SNX6: variants seen among roughly 807,000 people sequenced by gnomAD.
SNX6 encodes the protein sorting nexin-6.
Under a neutral mutation model 63.0 loss-of-function variants are expected in SNX6, and 34 were observed. That is an observed-to-expected ratio of 0.54 (90% CI 0.41 to 0.72). SNX6 has a LOEUF of 0.72. SNX6 is among the 30% of genes least tolerant of loss of function. The pLI, the probability that SNX6 is intolerant of heterozygous loss-of-function variation, is 0.00. For synonymous variants in SNX6, 170 were observed against 164.2 expected (o/e 1.04, Z -0.27); for missense variants, 398 against 471.4 (o/e 0.84, Z 1.44).
Position 34,573,590 on chromosome 14 carries a change from T to C in SNX6, c.921+2166A>G, listed in dbSNP as rs376047780. Among the ~76,000 whole-genome samples the C allele has an allele frequency of 4.5e-4, 69 of 151,696 alleles. 2 individuals carry two copies. In the South Asian group the frequency reaches 0.014, roughly 31 times the overall value. On this transcript the variant is annotated intron_variant, in intron 11 of 13. Coordinates refer to ENST00000362031, the MANE Select transcript of SNX6 (RefSeq NM_152233.4). ...ACTCTGCCTTAAAAAAAAAACAAAT[T>C]GTTTTTGGTTAGTGTTTTAGTCTTG...
intron 10 of SNX6, among the ~76,000 whole-genome samples, chr14:34,580,649 A>C (rs942736927): frequency 3.3e-5 from 5 of 149,492 alleles, no homozygotes; most frequent in Admixed American, 1.3e-4. Context: ...TATCTGTTCC[A>C]GGAGGGATTC....
At chr14:34,577,100 T>C (rs1412437204) in intron 10 of SNX6, among the ~76,000 whole-genome samples, 1 of 152,002 alleles carries the variant, frequency 6.6e-6, no homozygotes, top group African/African-American at 2.4e-5. Flanking sequence ...TTCTTTCTTT[T>C]CCAGACGAAG....
Position 34,605,650 on chromosome 14 carries a change from C to G in SNX6, c.338G>C (p.Gly113Ala). 1.2e-6 allele frequency: 2 copies of G among 1,611,060 alleles called. No homozygotes were observed. The highest frequency in any genetic ancestry group is 8.5e-7 in the Non-Finnish European group (1 of 1,178,782). ...TTCTTCCTTCGTCATTGACCCTTCT[C>G]CTTCACCAAGCTTCTGTAGTTTTTC... ...SREKLQKLGE[G>A]EGSMTKEEFT... is the part of the protein sequence containing the mutation. The change falls in exon 5 of 14, where the codon GGA (glycine) becomes GCA (alanine). Residue 113 changes from glycine to alanine, a missense_variant. Transcript: ENST00000362031.
intron 4 of SNX6, among the ~76,000 whole-genome samples, chr14:34,606,570 C>T (rs1883029550): frequency 1.3e-5 from 2 of 151,840 alleles, no homozygotes; most frequent in Middle Eastern, 3.4e-3. Context: ...CTCCTGCCTC[C>T]GCCTCCCGAG....
In SNX6 at chr14:34,629,115, T is replaced by C. The variant is rs115953952; in HGVS notation, c.54+792A>G. ...GGTCAAAGGGTACATACTTGAAATTTGCTTAGATCTCAAATGTTCTCACAC... is the reference window on the plus strand; with the variant it reads ...GGTCAAAGGGTACATACTTGAAATTCGCTTAGATCTCAAATGTTCTCACAC... On this transcript the variant is annotated intron_variant, in intron 2 of 13. Coordinates refer to ENST00000362031, the MANE Select transcript of SNX6 (RefSeq NM_152233.4). 3.3e-3 allele frequency among the ~76,000 whole-genome samples: 495 copies of C among 148,682 alleles called. 3 individuals carry two copies. Among genetic ancestry groups the C allele is most frequent in the African/African-American group, 0.012 (481 of 41,122 alleles).
chr14:34,591,802 ATAAT>A (rs1882403906), intron 8 of SNX6, among the ~76,000 whole-genome samples: 1 of 151,632 alleles, frequency 6.6e-6, no homozygotes, highest in South Asian at 2.1e-4. Flanking sequence ...TCTAATTTAA[ATAAT>A]TAGTTGATTT....
At position 34,602,954 on chromosome 14, in the gene SNX6, T is replaced by C. The variant is rs1216847623; in HGVS notation, c.516+394A>G. 3.9e-5 allele frequency among the ~76,000 whole-genome samples: 5 copies of C among 128,066 alleles called. No homozygotes were observed. In the East Asian group the frequency reaches 1.2e-3, roughly 31 times the overall value. 84.0% of individuals were successfully genotyped at this position (128,066 alleles called of 152,430 possible). A position where few individuals can be genotyped will look rare whatever the true frequency, so the allele number is the denominator to read the frequency against. On this transcript the variant is annotated intron_variant, in intron 6 of 13. Coordinates refer to ENST00000362031, the MANE Select transcript of SNX6 (RefSeq NM_152233.4). Reference sequence around the variant, plus strand: ...TGACGCCACTGCACTCCAGCCTGGCTGACAGAGCGAGACTCCGTCTCAAAA... The same window carrying C: ...TGACGCCACTGCACTCCAGCCTGGCCGACAGAGCGAGACTCCGTCTCAAAA...
chr14:34,583,579 C>T (rs1421715334), intron 9 of SNX6, among the ~76,000 whole-genome samples: 2 of 151,332 alleles, frequency 1.3e-5, no homozygotes, highest in East Asian at 1.9e-4. Context: ...ACTGCACCTG[C>T]GAATAGCTAC....
At chr14:34,563,484 G>A (rs981128867) in intron 13 of SNX6, among the ~76,000 whole-genome samples, 5 of 151,860 alleles carry the variant, frequency 3.3e-5, no homozygotes, top group South Asian at 4.1e-4. Context: ...GCATGAACCC[G>A]GGAAGCGGAG....
rs1036648838 is a variant in SNX6 at position 34,603,835 on chromosome 14, C to T, written c.393-364G>A. Among the ~76,000 whole-genome samples, 145 of 152,226 alleles carry T rather than the reference C, an allele frequency of 9.5e-4. 1 individual carries two copies. The highest frequency in any genetic ancestry group is 2.2e-4 in the Non-Finnish European group (15 of 68,010). On this transcript the variant is annotated intron_variant, in intron 5 of 13. Transcript: ENST00000362031. ...ATCTTAATGATTCAATATCCAATGA[C>T]TGCTTTTAAACAACTTAGTACAAAA...
intron 10 of SNX6, among the ~76,000 whole-genome samples, chr14:34,577,024 T>C (rs1297438367): frequency 6.6e-6 from 1 of 151,880 alleles, no homozygotes; most frequent in Non-Finnish European, 1.5e-5. Context: ...CATTCCAGCC[T>C]GGGTGACAGA....
At position 34,581,241 on chromosome 14, in the gene SNX6, C is replaced by T. The variant is rs370181622; in HGVS notation, c.834+320G>A. 4.6e-5 allele frequency among the ~76,000 whole-genome samples: 7 copies of T among 152,192 alleles called. No homozygotes were observed. The East Asian group carries it at 1.4e-3, about 29-fold the overall frequency. On this transcript the variant is annotated intron_variant, in intron 10 of 13. Transcript: ENST00000362031. ...CAATCTTGGCTCACTACAACGTTGGCCTCCCGGGTTCAAGCGATTCTTGTG... is the reference window on the plus strand; with the variant it reads ...CAATCTTGGCTCACTACAACGTTGGTCTCCCGGGTTCAAGCGATTCTTGTG...
At chr14:34,574,939 T>A (rs1242482349) in intron 11 of SNX6, among the ~76,000 whole-genome samples, 4 of 152,010 alleles carry the variant, frequency 2.6e-5, no homozygotes, top group Non-Finnish European at 4.4e-5. Flanking sequence ...TTGCCCAGGC[T>A]GCAGTGCAAT....
In SNX6 at chr14:34,580,652, A is replaced by G. The variant is rs1346923571; in HGVS notation, c.834+909T>C. Among the ~76,000 whole-genome samples the G allele has an allele frequency of 4.0e-5, 6 of 148,742 alleles. No homozygotes were observed. In the East Asian group the frequency reaches 8.0e-4, roughly 20 times the overall value. On this transcript the variant is annotated intron_variant, in intron 10 of 13. Transcript: ENST00000362031. ...AATTAATTTGTTTATCTGTTCCAGG[A>G]GGGATTCCATTTTTTTTTTTTTTTA... is the stretch of plus-strand genomic sequence containing the variant.
chr14:34,597,150 C>T (rs181491750), intron 7 of SNX6, among the ~76,000 whole-genome samples: 168 of 152,298 alleles, frequency 1.1e-3, no homozygotes, highest in African/African-American at 3.8e-3. Flanking sequence ...GCACACTGTC[C>T]CTCCCCTCCA....
intron 10 of SNX6, among the ~76,000 whole-genome samples, chr14:34,578,937 C>CAAAAAAAAAAA (rs71121210): frequency 0.013 from 288 of 22,566 alleles, 30 homozygotes; most frequent in Middle Eastern, 0.071. Context: ...GACTTCATCT[C>CAAAAAAAAAAA]AAAAAAAAAA....
At chr14:34,621,410 T>C (rs1883616382) in intron 2 of SNX6, among the ~76,000 whole-genome samples, 1 of 152,204 alleles carries the variant, frequency 6.6e-6, no homozygotes, top group Admixed American at 6.6e-5. Flanking sequence ...ATCCCCAATT[T>C]AGACTTTTTA....
intron 2 of SNX6, among the ~76,000 whole-genome samples, chr14:34,618,115 C>A (rs545526300): frequency 2.2e-4 from 33 of 152,086 alleles, no homozygotes; most frequent in Non-Finnish European, 4.0e-4. Context: ...TTGACTCTTA[C>A]AATAGTCTCC....
intron 7 of SNX6, among the ~76,000 whole-genome samples, chr14:34,595,876 T>C (rs1202894077): frequency 2.0e-5 from 3 of 152,200 alleles, no homozygotes; most frequent in African/African-American, 7.2e-5. Context: ...GGTAAGAATC[T>C]TCAGATAAAT....
Sources: gnomAD v4.1 joint callset for allele counts (sites outside exome capture counted in the v4.1 genomes callset) on GRCh38, gnomAD v4.1.1 for gene constraint, MANE v1.5 for transcripts, NCBI Gene and HGNC (gene_info 2026-07-23, HGNC 2026-07-21) for gene names.